The following ATRX variants were observed in gnomAD, a reference collection of about 807,000 sequenced individuals.
ATRX encodes ATRX chromatin remodeler.
In ATRX, 12 loss-of-function variants were observed where a neutral mutation model predicts 172.6. The ratio of observed to expected loss-of-function variants is 0.07; its 90% CI spans 0.04 to 0.11. ATRX has a LOEUF of 0.11. Ranked by LOEUF, ATRX falls within the 10% of genes least tolerant of loss-of-function variation. ATRX has a pLI of 1.00. For synonymous variants in ATRX, 674 were observed against 594.7 expected, an observed-to-expected ratio of 1.13 and a Z score of -1.94; for missense variants, 1,368 against 1,767.4, an observed-to-expected ratio of 0.77 and a Z score of 4.05.
chrX:77,542,166 C>T (rs1249339221), intron 30 of ATRX, among the ~76,000 whole-genome samples: 2 of 111,597 alleles, frequency 1.8e-5, no homozygotes, highest in Non-Finnish European at 3.8e-5. Flanking sequence ...TTTCTATACA[C>T]CAATAACAGA....
chrX:77,751,850 C>G (rs1228871914), intron 1 of ATRX, among the ~76,000 whole-genome samples: 1 of 111,277 alleles, frequency 9.0e-6, no homozygotes, highest in Admixed American at 9.6e-5. Flanking sequence ...ATTTCTGAGG[C>G]CTCGGTTCTG....
intron 1 of ATRX, among the ~76,000 whole-genome samples, chrX:77,766,549 C>T (rs1317935523): frequency 2.8e-5 from 3 of 106,476 alleles, no homozygotes; most frequent in Admixed American, 2.0e-4. Context: ...GACGGGGTCG[C>T]AGCCGGGCAG....
intron 1 of ATRX, among the ~76,000 whole-genome samples, chrX:77,729,195 A>G (rs2074191434): frequency 9.0e-6 from 1 of 110,989 alleles, no homozygotes; most frequent in Non-Finnish European, 1.9e-5. Context: ...GATGCATACA[A>G]GTCATACAAT....
chrX:77,598,497 G>C (rs1482462867), intron 25 of ATRX, among the ~76,000 whole-genome samples: 2 of 111,763 alleles, frequency 1.8e-5, no homozygotes, highest in Non-Finnish European at 3.8e-5. Context: ...CTGTAGGCCT[G>C]AGACCAGCCA....
intron 28 of ATRX, among the ~76,000 whole-genome samples, chrX:77,559,449 CTTTTTTTTTTTT>C (rs782028709): frequency 1.9e-4 from 8 of 41,684 alleles, no homozygotes; most frequent in African/African-American, 8.8e-4. Flanking sequence ...CTTTCTTTCC[CTTTTTTTTTTTT>C]TTTTTTTTTT....
chrX:77,617,511 C>T (rs1390955301), intron 21 of ATRX, among the ~76,000 whole-genome samples: 2 of 111,063 alleles, frequency 1.8e-5, no homozygotes, highest in African/African-American at 6.5e-5. Context: ...AAGTTCAAGT[C>T]ACTTATATAA....
intron 1 of ATRX, among the ~76,000 whole-genome samples, chrX:77,726,350 A>T (rs1369530983): frequency 9.2e-6 from 1 of 109,233 alleles, no homozygotes; most frequent in African/African-American, 3.3e-5. Context: ...GGAAACCATC[A>T]TTCTCAGCAA....
At chrX:77,587,402 C>T (rs1303665348) in intron 27 of ATRX, among the ~76,000 whole-genome samples, 1 of 110,845 alleles carries the variant, frequency 9.0e-6, no homozygotes, top group Non-Finnish European at 1.9e-5. Flanking sequence ...GCAGAGAAAT[C>T]AAGATAGTAT....
At chrX:77,539,136 G>A (rs1288624608) in intron 30 of ATRX, among the ~76,000 whole-genome samples, 7 of 109,956 alleles carry the variant, frequency 6.4e-5, no homozygotes, top group Non-Finnish European at 1.3e-4. Flanking sequence ...CTCGTGATCC[G>A]CCTGCCTCGG....
At chrX:77,518,004 AG>A (rs1441242410) in intron 34 of ATRX, among the ~76,000 whole-genome samples, 1 of 112,193 alleles carries the variant, frequency 8.9e-6, no homozygotes. Flanking sequence ...ATACGGTTAT[AG>A]AAGGAACATA....
intron 30 of ATRX, among the ~76,000 whole-genome samples, chrX:77,545,861 CCT>C (rs1403876243): frequency 1.4e-4 from 15 of 111,092 alleles, no homozygotes; most frequent in Non-Finnish European, 1.3e-4. Context: ...CCCCAGGACC[CCT>C]GTCCTTAACC....
chrX:77,644,705 G>A (rs2068821294), intron 15 of ATRX, among the ~76,000 whole-genome samples: 1 of 107,373 alleles, frequency 9.3e-6, no homozygotes, highest in Admixed American at 1.0e-4. Flanking sequence ...CCTCAAGTCC[G>A]AAGATCAAAA....
intron 20 of ATRX, among the ~76,000 whole-genome samples, chrX:77,619,792 AAG>A (rs1208126040): frequency 3.6e-5 from 4 of 112,180 alleles, no homozygotes; most frequent in African/African-American, 1.3e-4. Flanking sequence ...CAGTGGGAAA[AAG>A]AAAAAAAGTG....
At position 77,508,215 on chromosome X, in the gene ATRX, G is replaced by T; in HGVS notation, c.*136C>A. ...TATGCCCTATTTAAAAAAAAAAAAA[G>T]TAAAACTAATATGGAAGATTGGCAT... On this transcript the variant is annotated 3_prime_UTR_variant, in exon 35 of 35. Coordinates refer to ENST00000373344, the MANE Select transcript of ATRX (RefSeq NM_000489.6). 2 of 733,762 alleles carry T rather than the reference G, an allele frequency of 2.7e-6. No individual in the cohort carries two copies. The highest frequency in any genetic ancestry group is 3.9e-6 in the Non-Finnish European group (2 of 517,366). 60.5% of individuals were successfully genotyped at this position (733,762 alleles called of 1,213,427 possible).
At chrX:77,692,846 AGTGTGTGT>A (rs3063059) in intron 6 of ATRX, among the ~76,000 whole-genome samples, 235 of 82,095 alleles carry the variant, frequency 2.9e-3, no homozygotes, top group South Asian at 6.7e-3. Context: ...CCAATATTAG[AGTGTGTGT>A]GTGTGTGTGT....
intron 2 of ATRX, among the ~76,000 whole-genome samples, chrX:77,713,361 G>A (rs1190612508): frequency 9.0e-6 from 1 of 111,108 alleles, no homozygotes; most frequent in Non-Finnish European, 1.9e-5. Context: ...TGGTGGCAAT[G>A]AGCACATCAC....
In ATRX at chrX:77,769,033, C is replaced by T. The variant is rs927152153; in HGVS notation, c.20+16949G>A. Among the ~76,000 whole-genome samples the T allele has an allele frequency of 8.1e-5, 9 of 110,699 alleles. No individual in the cohort carries two copies. The South Asian group carries it at 3.0e-3, about 37-fold the overall frequency. On this transcript the variant is annotated intron_variant, in intron 1 of 34. Transcript: ENST00000373344. ...AAGGAAGAGAGAGAGGATCAACAGA[C>T]AAAAATGGAAAAAGTAAGCGAGGCA...
At chrX:77,623,596 CA>C (rs1303727682) in intron 19 of ATRX, among the ~76,000 whole-genome samples, 1 of 111,192 alleles carries the variant, frequency 9.0e-6, no homozygotes, top group Non-Finnish European at 1.9e-5. Context: ...AGATCACGAC[CA>C]AAAAAGAAAA....
Position 77,606,689 on chromosome X carries a change from G to C in ATRX, c.5567-6125C>G, listed in dbSNP as rs782572542. 8.2e-5 allele frequency among the ~76,000 whole-genome samples: 8 copies of C among 97,479 alleles called. No homozygotes were observed. The East Asian group carries it at 2.4e-3, about 29-fold the overall frequency. The allele number at this position is 97,479 out of a possible 115,157, so 84.6% of individuals were successfully genotyped here. A position where few individuals can be genotyped will look rare whatever the true frequency, so the allele number is the denominator to read the frequency against. ...TGTAATCCCAGCACTTCGGGAGGCC[G>C]AAGAAGGAGGATCCCTTGAGCCCAG... On this transcript the variant is annotated intron_variant, in intron 22 of 34. Transcript: ENST00000373344.
Sources: allele counts gnomAD v4.1 joint callset (sites outside exome capture counted in the v4.1 genomes callset), GRCh38; gene constraint gnomAD v4.1.1; transcripts MANE v1.5; gene names NCBI Gene and HGNC (gene_info 2026-07-23, HGNC 2026-07-21).